The following SGK3 variants were observed in gnomAD, a reference collection of about 807,000 sequenced individuals.
SGK3 encodes serum/glucocorticoid regulated kinase family member 3.
SGK3 carries 47 observed loss-of-function variants against 68.5 expected under a neutral mutation model. The ratio of observed to expected loss-of-function variants is 0.69; its 90% confidence interval spans 0.54 to 0.87. The LOEUF (loss-of-function observed/expected upper bound fraction) is 0.87. SGK3 is among the 40% of genes least tolerant of loss of function. The probability of loss-of-function intolerance (pLI) is 0.00; values close to 1 mark genes in which losing one functional copy is unlikely to be tolerated. For missense variants in SGK3, 479 were observed against 575.5 expected (o/e 0.83, Z 1.72); for synonymous variants, 181 against 189.1 (o/e 0.96, Z 0.35).
At chr8:66,840,599 C>T (rs6992429) in intron 12 of SGK3, 1 of 226,070 alleles carries the variant, frequency 4.4e-6, no homozygotes, top group African/African-American at 2.3e-5. Flanking sequence ...ACAATTTCCT[C>T]TGTATACTAT....
chr8:66,822,709 C>A (rs1458911856), intron 6 of SGK3, among the ~76,000 whole-genome samples: 1 of 152,202 alleles, frequency 6.6e-6, no homozygotes, highest in Non-Finnish European at 1.5e-5. Context: ...ACCTCCACCT[C>A]CCAGGTTCAA....
chr8:66,742,907 A>G (rs1805523889), intron 1 of SGK3, among the ~76,000 whole-genome samples: 1 of 151,806 alleles, frequency 6.6e-6, no homozygotes, highest in African/African-American at 2.4e-5. Flanking sequence ...CAGACTTGCC[A>G]TTTTCTCTGC....
chr8:66,774,720 T>C (rs1806625497), intron 1 of SGK3, among the ~76,000 whole-genome samples: 1 of 152,090 alleles, frequency 6.6e-6, no homozygotes. Context: ...CTCCCCAATT[T>C]TTGAAGTAAA....
At chr8:66,842,040 A>G (rs1426400726) in intron 13 of SGK3, among the ~76,000 whole-genome samples, 4 of 152,134 alleles carry the variant, frequency 2.6e-5, no homozygotes, top group African/African-American at 9.7e-5. Flanking sequence ...CTTAACTAAA[A>G]GTATCTCTAA....
In SGK3 at chr8:66,806,406, A is replaced by G. The variant is rs578008793; in HGVS notation, c.253+1959A>G. ...TTACTAAATATATGAACCCATTAATAAAGAGAAGCAAGAGAAAATTGAGTT... is the reference window on the plus strand; with the variant it reads ...TTACTAAATATATGAACCCATTAATGAAGAGAAGCAAGAGAAAATTGAGTT... On this transcript the variant is annotated intron_variant, in intron 4 of 16. Transcript: ENST00000521198. Among the ~76,000 whole-genome samples, 20 of 152,336 alleles carry G rather than the reference A, an allele frequency of 1.3e-4. No homozygotes were observed. The South Asian group carries it at 4.1e-3, about 32-fold the overall frequency.
Position 66,842,012 on chromosome 8 carries a change from TCTAA to T in SGK3, c.978+905_978+908del, listed in dbSNP as rs918192725. ...GTTGAAAACGTGTGAGAGAATGGCT[TCTAA>T]CTGAGTTCAGAAACTTAACTAAAAG... is the stretch of plus-strand genomic sequence containing the variant. On this transcript the variant is annotated intron_variant, in intron 13 of 16. Transcript: ENST00000521198. 9.2e-4 allele frequency among the ~76,000 whole-genome samples: 140 copies of T among 152,294 alleles called. 2 individuals carry two copies. Among genetic ancestry groups the T allele is most frequent in the Admixed American group, 9.2e-4 (14 of 15,284 alleles).
intron 1 of SGK3, among the ~76,000 whole-genome samples, chr8:66,761,778 T>A (rs539458653): frequency 4.0e-5 from 6 of 151,874 alleles, no homozygotes; most frequent in East Asian, 1.9e-4. Flanking sequence ...AAAAAAAAAA[T>A]AAATAATAAA....
chr8:66,841,916 CAAGGTATTTAT>C (rs1809812358), intron 13 of SGK3, among the ~76,000 whole-genome samples: 1 of 152,080 alleles, frequency 6.6e-6, no homozygotes, highest in Non-Finnish European at 1.5e-5. Flanking sequence ...GTCCAAATTC[CAAGGTATTTAT>C]AATGATTTTA....
intron 4 of SGK3, among the ~76,000 whole-genome samples, chr8:66,809,614 A>T (rs1808300180): frequency 6.6e-6 from 1 of 152,230 alleles, no homozygotes; most frequent in South Asian, 2.1e-4. Flanking sequence ...TCAATAAATT[A>T]AAAAATCAAG....
chr8:66,736,156 G>C (rs1004900170), intron 1 of SGK3, among the ~76,000 whole-genome samples: 3 of 152,272 alleles, frequency 2.0e-5, no homozygotes, highest in Admixed American at 2.0e-4. Flanking sequence ...TTCAACTATA[G>C]AATAGGCATA....
intron 1 of SGK3, among the ~76,000 whole-genome samples, chr8:66,769,413 G>A (rs1329319565): frequency 6.6e-6 from 1 of 152,128 alleles, no homozygotes; most frequent in African/African-American, 2.4e-5. Context: ...TGGTAGAGAC[G>A]GGATTTTGCC....
At chr8:66,751,993 G>A (rs973560012) in intron 1 of SGK3, among the ~76,000 whole-genome samples, 1 of 152,002 alleles carries the variant, frequency 6.6e-6, no homozygotes. Flanking sequence ...TCGAACTCTC[G>A]ATCTCAGGTG....
At chr8:66,757,809 G>A (rs1806026010) in intron 1 of SGK3, among the ~76,000 whole-genome samples, 1 of 150,968 alleles carries the variant, frequency 6.6e-6, no homozygotes, top group Non-Finnish European at 1.5e-5. Flanking sequence ...CAGCTATTTG[G>A]GAGGTTGAGG....
At position 66,860,896 on chromosome 8, in the gene SGK3, G is replaced by C. The variant is rs1810725638; in HGVS notation, c.*1315G>C. 6.6e-6 allele frequency: 1 copy of C among 151,582 alleles called. No homozygotes were observed. Among genetic ancestry groups the C allele is most frequent in the Non-Finnish European group, 1.5e-5 (1 of 67,884 alleles). The allele number at this position is 151,582 out of a possible 1,614,324, so 9.4% of individuals were successfully genotyped here. ...TAAGCACCCTGGGAGGCCGAGGCAG[G>C]CAGATTATTTGAGCTCAGGAGTTTG... On this transcript the variant is annotated 3_prime_UTR_variant, in exon 17 of 17. Transcript: ENST00000521198.
intron 1 of SGK3, among the ~76,000 whole-genome samples, chr8:66,721,639 T>C (rs1217942995): frequency 6.6e-6 from 1 of 152,174 alleles, no homozygotes; most frequent in Non-Finnish European, 1.5e-5. Flanking sequence ...ATAAGCTCTT[T>C]TTCCTTAAGC....
intron 1 of SGK3, among the ~76,000 whole-genome samples, chr8:66,736,613 A>G (rs2130383036): frequency 6.8e-6 from 1 of 147,830 alleles, no homozygotes; most frequent in Non-Finnish European, 1.5e-5. Flanking sequence ...ACATGCCACC[A>G]TGCCCAGCCT....
chr8:66,842,934 G>A (rs909829641), intron 13 of SGK3, among the ~76,000 whole-genome samples: 1 of 152,066 alleles, frequency 6.6e-6, no homozygotes, highest in Non-Finnish European at 1.5e-5. Flanking sequence ...ATCCAGGTGT[G>A]GTGGCGCATG....
intron 2 of SGK3, among the ~76,000 whole-genome samples, chr8:66,796,548 TCAG>T (rs1563632345): frequency 6.6e-6 from 1 of 151,838 alleles, no homozygotes; most frequent in Admixed American, 6.6e-5. Flanking sequence ...TTCTCCTGCC[TCAG>T]CCTCCCGAAG....
intron 5 of SGK3, among the ~76,000 whole-genome samples, chr8:66,816,145 G>C (rs1281836119): frequency 1.3e-5 from 2 of 151,830 alleles, no homozygotes; most frequent in African/African-American, 4.8e-5. Flanking sequence ...GACTACAGGG[G>C]CGCACCACCA....
Sources: gnomAD v4.1 joint callset for allele counts (sites outside exome capture counted in the v4.1 genomes callset) on GRCh38, gnomAD v4.1.1 for gene constraint, MANE v1.5 for transcripts, NCBI Gene and HGNC (gene_info 2026-07-23, HGNC 2026-07-21) for gene names.